Variants in PRDX4 observed in about 807,000 individuals in gnomAD.
PRDX4 encodes peroxiredoxin 4.
A neutral mutation model predicts 20.5 loss-of-function variants in PRDX4; 12 were observed. The observed-to-expected ratio is 0.58, with a 90% CI of 0.37 to 0.95. PRDX4 has a LOEUF of 0.95. PRDX4 is among the 40% of genes least tolerant of loss of function. PRDX4 has a pLI of 0.01. For missense variants in PRDX4, 180 were observed against 207.3 expected, an observed-to-expected ratio of 0.87 and a Z score of 0.81; for synonymous variants, 99 against 87.5, an observed-to-expected ratio of 1.13 and a Z score of -0.73.
intron 4 of PRDX4, among the ~76,000 whole-genome samples, chrX:23,680,840 G>C (rs919872584): frequency 9.0e-6 from 1 of 111,443 alleles, no homozygotes; most frequent in Non-Finnish European, 1.9e-5. Flanking sequence ...GAGCCTGGAA[G>C]TTCAAGGTTG....
At chrX:23,679,393 A>G in intron 4 of PRDX4, 106 bp downstream of exon 4, 1 of 964,446 alleles carries the variant, frequency 1.0e-6, no homozygotes, top group East Asian at 3.2e-5. Context: ...ATCAAGAAAT[A>G]TAATTTTGAG....
At chrX:23,674,966 TA>T (rs748127978) in intron 2 of PRDX4, 23 bp from the exon 3 acceptor site, 131 of 1,193,029 alleles carry the variant, frequency 1.1e-4, no homozygotes, top group African/African-American at 4.2e-4. Flanking sequence ...GAATACTGAA[TA>T]TTTTTTTTTT....
chrX:23,679,780 T>C (rs1362480417), intron 4 of PRDX4, among the ~76,000 whole-genome samples: 1 of 109,904 alleles, frequency 9.1e-6, no homozygotes, highest in Admixed American at 9.8e-5. Flanking sequence ...ATATCGAGAC[T>C]ATCCTGGCCA....
intron 1 of PRDX4, among the ~76,000 whole-genome samples, chrX:23,669,045 C>T (rs936719849): frequency 5.4e-5 from 6 of 110,714 alleles, no homozygotes; most frequent in African/African-American, 1.6e-4. Flanking sequence ...TCTGCCTCAG[C>T]CTCCCAGGTA....
rs1437018570 is a variant in PRDX4, at chrX:23,675,027, G to A, written c.397G>A (p.Asp133Asn). Residue 133 changes from aspartate to asparagine, a missense_variant, in exon 3 of 7, where the codon GAC (aspartate) becomes AAC (asparagine). Asp to Asn is a conservative substitution (Grantham distance 23, BLOSUM62 1). This residue lies in a region of PRDX4 where 105 missense variants were observed against 114.2 expected (regional missense o/e 0.92). Coordinates refer to ENST00000379341, the MANE Select transcript of PRDX4 (RefSeq NM_006406.2). ...TCCAACTGAAATTATCGCTTTTGGC[G>A]ACAGACTTGAAGAATTCAGATCTAT... ...VCPTEIIAFG[D>N]RLEEFRSINT... 8 of 1,207,324 alleles carry A rather than the reference G, an allele frequency of 6.6e-6. No individual in the cohort carries two copies. The highest frequency in any genetic ancestry group is 1.8e-5 in the African/African-American group (1 of 56,830).
chrX:23,667,789 C>T lies in PRDX4; in HGVS notation c.219C>T (p.Ser73=), dbSNP rs952580914. The change falls in exon 1 of 7, where the codon TCC becomes TCT. Residue 73 remains serine, a synonymous_variant. Coordinates refer to ENST00000379341, the MANE Select transcript of PRDX4 (RefSeq NM_006406.2). The part of the protein sequence containing the change: ...EASRVSVADH[S]LHLSKAKISK... Reference sequence around the variant, plus strand: ...CCCGGGTATCGGTCGCCGACCACTCCCTGCACCTAAGCAAAGCGAAGAGTA... The same window carrying T: ...CCCGGGTATCGGTCGCCGACCACTCTCTGCACCTAAGCAAAGCGAAGAGTA... 8.3e-7 allele frequency: 1 copy of T among 1,209,490 alleles called. No individual in the cohort carries two copies. Among genetic ancestry groups the T allele is most frequent in the African/African-American group, 1.8e-5 (1 of 57,108 alleles).
intron 3 of PRDX4, among the ~76,000 whole-genome samples, chrX:23,678,087 C>T (rs1428508945): frequency 4.8e-5 from 5 of 103,172 alleles, no homozygotes. Flanking sequence ...GCCAACGTGG[C>T]GAAACCCCAT....
At chrX:23,670,506 C>T (rs1927823009) in intron 1 of PRDX4, among the ~76,000 whole-genome samples, 1 of 111,687 alleles carries the variant, frequency 9.0e-6, no homozygotes, top group African/African-American at 3.3e-5. Flanking sequence ...TAAATGGTGG[C>T]TGTTACAGAG....
chrX:23,676,229 A>C (rs1211341336), intron 3 of PRDX4, among the ~76,000 whole-genome samples: 2 of 110,678 alleles, frequency 1.8e-5, no homozygotes, highest in African/African-American at 6.5e-5. Flanking sequence ...AATTTGAAAC[A>C]CAAGCTTTTC....
chrX:23,678,112 C>T (rs1054689924), intron 3 of PRDX4, among the ~76,000 whole-genome samples: 4 of 108,825 alleles, frequency 3.7e-5, no homozygotes, highest in Non-Finnish European at 5.7e-5. Flanking sequence ...ATTAAAAATA[C>T]GAAAAATAGC....
chrX:23,677,178 C>T (rs967660890), intron 3 of PRDX4, among the ~76,000 whole-genome samples: 8 of 111,491 alleles, frequency 7.2e-5, no homozygotes, highest in African/African-American at 2.6e-4. Flanking sequence ...CATTCTCAGC[C>T]TGATAGGGTT....
chrX:23,683,369 C>G (rs1928124848), intron 5 of PRDX4, among the ~76,000 whole-genome samples: 1 of 111,619 alleles, frequency 9.0e-6, no homozygotes, highest in Non-Finnish European at 1.9e-5. Flanking sequence ...GGCCTTTCAG[C>G]TCACCAGATT....
At chrX:23,671,505 ACAT>A in intron 1 of PRDX4, 21 bp from the exon 2 acceptor site, 1 of 1,116,960 alleles carries the variant, frequency 9.0e-7, no homozygotes, top group South Asian at 1.9e-5. Context: ...GTGTTACAGA[ACAT>A]CATGTATTTT....
At position 23,667,580 on chromosome X, in the gene PRDX4, C is replaced by T. The variant is rs1927754410; in HGVS notation, c.10C>T (p.Leu4=). 6 of 1,186,252 alleles carry T rather than the reference C, an allele frequency of 5.1e-6. No individual in the cohort carries two copies. Among genetic ancestry groups the T allele is most frequent in the Non-Finnish European group, 6.8e-6 (6 of 883,261 alleles). The change falls in exon 1 of 7, where the codon CTG becomes TTG. Residue 4 remains leucine, a synonymous_variant. Transcript: ENST00000379341. ...CTGCGCTCGCGTGGTCATGGAGGCG[C>T]TGCCGCTGCTAGCCGCGACAACTCC... MEA[L]PLLAATTPDH...
intron 2 of PRDX4, among the ~76,000 whole-genome samples, chrX:23,672,184 C>T (rs1927859065): frequency 9.0e-6 from 1 of 111,515 alleles, no homozygotes; most frequent in African/African-American, 3.3e-5. Flanking sequence ...TTGCTTGAAC[C>T]CTGGAGGCGG....
At chrX:23,672,148 C>A (rs1313919062) in intron 2 of PRDX4, among the ~76,000 whole-genome samples, 1 of 111,556 alleles carries the variant, frequency 9.0e-6, no homozygotes, top group African/African-American at 3.3e-5. Flanking sequence ...GTAGTCCCAG[C>A]TACTCGGGAG....
rs745578573 is a variant in PRDX4, at chrX:23,680,590, C to A, written c.599+1303C>A. 6.3e-5 allele frequency among the ~76,000 whole-genome samples: 7 copies of A among 111,137 alleles called. No individual in the cohort carries two copies. The East Asian group carries it at 2.0e-3, about 31-fold the overall frequency. On this transcript the variant is annotated intron_variant, in intron 4 of 6. Transcript: ENST00000379341. ...TATAGTTCACATATAATACAATACC[C>A]ATTTAAAGAATACAATTCAGCTGGG... is the stretch of plus-strand genomic sequence containing the variant.
chrX:23,667,523 C>T lies in PRDX4; in HGVS notation c.-48C>T, dbSNP rs1419059863. Reference sequence around the variant, plus strand: ...CGCGGTTGTAGCTGCCCGGCGGCGGCAGAAGCGGCGCTCGCGCCAAGGGAC... The same window carrying T: ...CGCGGTTGTAGCTGCCCGGCGGCGGTAGAAGCGGCGCTCGCGCCAAGGGAC... On this transcript the variant is annotated 5_prime_UTR_variant, in exon 1 of 7. Coordinates refer to ENST00000379341, the MANE Select transcript of PRDX4 (RefSeq NM_006406.2). The T allele has an allele frequency of 2.7e-6, 3 of 1,131,635 alleles. No individual in the cohort carries two copies. Among genetic ancestry groups the T allele is most frequent in the Non-Finnish European group, 2.3e-6 (2 of 858,247 alleles). 93.3% of individuals were successfully genotyped at this position (1,131,635 alleles called of 1,213,427 possible).
At position 23,674,846 on chromosome X, in the gene PRDX4, ACTC is replaced by A. The variant is rs760757953; in HGVS notation, c.360-142_360-140del. ...TGATTAAATGACAGTCTTTTAGACTACTCCATTTTGAAAAGGTTCAAATATAAA... is the reference window on the plus strand; with the variant it reads ...TGATTAAATGACAGTCTTTTAGACTACATTTTGAAAAGGTTCAAATATAAA... On this transcript the variant is annotated intron_variant, in intron 2 of 6. Transcript: ENST00000379341. 69 of 784,107 alleles carry A rather than the reference ACTC, an allele frequency of 8.8e-5. No homozygotes were observed. The African/African-American group carries it at 1.3e-3, about 15-fold the overall frequency. 64.6% of individuals were successfully genotyped at this position (784,107 alleles called of 1,213,427 possible).
Sources: gnomAD v4.1 joint callset for allele counts (sites outside exome capture counted in the v4.1 genomes callset) on GRCh38, gnomAD v4.1.1 for gene constraint, gnomAD v4.1.1 regional missense constraint, MANE v1.5 for transcripts, NCBI Gene and HGNC (gene_info 2026-07-23, HGNC 2026-07-21) for gene names.